DMD: variants seen among roughly 807,000 people sequenced by gnomAD.
DMD encodes the protein mutant dystrophin.
DMD carries 63 observed loss-of-function variants against 330.1 expected under a neutral mutation model. That is an observed-to-expected ratio of 0.19 (90% CI 0.16 to 0.24). DMD has a LOEUF of 0.24. DMD is among the 10% of genes least tolerant of loss of function. The pLI, the probability that DMD is intolerant of heterozygous loss-of-function variation, is 1.00. For missense variants in DMD, 3,344 were observed against 2,684.1 expected (o/e 1.25, Z -5.43); for synonymous variants, 1,223 against 959.8 (o/e 1.27, Z -5.07).
intron 52 of DMD, among the ~76,000 whole-genome samples, chrX:31,711,093 A>AT (rs1318364789): frequency 9.0e-6 from 1 of 110,913 alleles, no homozygotes; most frequent in Non-Finnish European, 1.9e-5. Flanking sequence ...AGACCAAAAA[A>AT]AAAAAGGTTT....
chrX:31,882,867 T>G (rs1446400118), intron 47 of DMD, among the ~76,000 whole-genome samples: 1 of 112,132 alleles, frequency 8.9e-6, no homozygotes, highest in Non-Finnish European at 1.9e-5. Context: ...ACTAGAAGTC[T>G]TATATACTGC....
chrX:32,821,498 G>A (rs903478141), intron 5 of DMD, among the ~76,000 whole-genome samples: 1 of 109,985 alleles, frequency 9.1e-6, no homozygotes, highest in Non-Finnish European at 1.9e-5. Context: ...TGAGGCAGGA[G>A]AATGGCGTGA....
intron 7 of DMD, among the ~76,000 whole-genome samples, chrX:32,770,121 A>C (rs1239596707): frequency 1.8e-5 from 2 of 112,041 alleles, no homozygotes; most frequent in Admixed American, 1.9e-4. Flanking sequence ...GTGGGAAGCA[A>C]TAAAAGGCAG....
At chrX:31,255,687 G>A (rs776891692) in intron 63 of DMD, among the ~76,000 whole-genome samples, 2 of 108,497 alleles carry the variant, frequency 1.8e-5, no homozygotes, top group Non-Finnish European at 3.8e-5. Flanking sequence ...AATGATCACA[G>A]CAAGTTTAGA....
At chrX:32,807,136 A>C (rs1183005909) in intron 7 of DMD, among the ~76,000 whole-genome samples, 35 of 103,956 alleles carry the variant, frequency 3.4e-4, no homozygotes, top group Non-Finnish European at 5.9e-4. Flanking sequence ...AAAAAAAAAA[A>C]AAAAAAAAAA....
intron 9 of DMD, among the ~76,000 whole-genome samples, chrX:32,669,205 G>A (rs181830642): frequency 1.8e-4 from 20 of 110,960 alleles, no homozygotes; most frequent in African/African-American, 2.3e-4. Flanking sequence ...ATAATCAGCC[G>A]TAATTCTATG....
intron 1 of DMD, among the ~76,000 whole-genome samples, chrX:33,167,962 C>T (rs777455738): frequency 9.0e-6 from 1 of 110,990 alleles, no homozygotes; most frequent in East Asian, 2.8e-4. Context: ...ATGTCTGGCA[C>T]ACAGTAAGCA....
intron 52 of DMD, among the ~76,000 whole-genome samples, chrX:31,722,947 C>A (rs1033218199): frequency 2.7e-5 from 3 of 110,315 alleles, no homozygotes; most frequent in African/African-American, 9.9e-5. Flanking sequence ...ACTCGGTAGG[C>A]TGAGGCAAGA....
In DMD at chrX:32,023,021, C is replaced by T. The variant is rs146041645; in HGVS notation, c.6439-54507G>A. 3.1e-3 allele frequency among the ~76,000 whole-genome samples: 335 copies of T among 109,401 alleles called. 1 individual carries two copies. The highest frequency in any genetic ancestry group is 9.8e-3 in the African/African-American group (295 of 30,059). ...CTAATTTTACTATTTTTAGTAAAGA[C>T]GGGGTCTCACCATGTTGGCCAGGAT... On this transcript the variant is annotated intron_variant, in intron 44 of 78. Transcript: ENST00000357033.
At chrX:32,677,264 A>T (rs990604933) in intron 9 of DMD, among the ~76,000 whole-genome samples, 1 of 111,482 alleles carries the variant, frequency 9.0e-6, no homozygotes, top group African/African-American at 3.2e-5. Context: ...AATGTATTGT[A>T]AAAATATGCC....
chrX:31,984,882 G>A (rs1182388257), intron 44 of DMD, among the ~76,000 whole-genome samples: 3 of 112,029 alleles, frequency 2.7e-5, no homozygotes, highest in Non-Finnish European at 5.6e-5. Context: ...ACAGTGTGAT[G>A]TCTGTCCTGG....
rs748035806 is a variant in DMD at position 32,972,037 on chromosome X, T to G, written c.93+48102A>C. On this transcript the variant is annotated intron_variant, in intron 2 of 78. Coordinates refer to ENST00000357033, the MANE Select transcript of DMD (RefSeq NM_004006.3). ...ACAGCAAAAGGAATGAGAGCTAGGA[T>G]GTTACATTCAGGGGCCTGAATTACA... is the stretch of plus-strand genomic sequence containing the variant. Among the ~76,000 whole-genome samples, 21 of 111,808 alleles carry G rather than the reference T, an allele frequency of 1.9e-4. No homozygotes were observed. The East Asian group carries it at 5.9e-3, about 32-fold the overall frequency.
intron 44 of DMD, among the ~76,000 whole-genome samples, chrX:32,146,782 T>C (rs922248169): frequency 8.9e-6 from 1 of 112,027 alleles, no homozygotes; most frequent in African/African-American, 3.3e-5. Flanking sequence ...ATACCGTAAG[T>C]CATATAACAT....
At chrX:32,657,910 A>G (rs889797978) in intron 9 of DMD, among the ~76,000 whole-genome samples, 1 of 111,864 alleles carries the variant, frequency 8.9e-6, no homozygotes, top group African/African-American at 3.2e-5. Context: ...GATTCACTGG[A>G]TACTTTTAAA....
At chrX:33,003,651 G>A (rs1192484321) in intron 2 of DMD, among the ~76,000 whole-genome samples, 1 of 111,060 alleles carries the variant, frequency 9.0e-6, no homozygotes, top group Non-Finnish European at 1.9e-5. Context: ...TACTGACTTA[G>A]ATGATAGGTT....
intron 2 of DMD, among the ~76,000 whole-genome samples, chrX:32,853,734 A>G (rs1172404197): frequency 9.5e-6 from 1 of 105,449 alleles, no homozygotes; most frequent in East Asian, 3.0e-4. Context: ...ACTGAACATA[A>G]ATGAAATAAA....
At chrX:33,135,268 G>C (rs920805501) in intron 1 of DMD, among the ~76,000 whole-genome samples, 3 of 111,794 alleles carry the variant, frequency 2.7e-5, no homozygotes, top group Non-Finnish European at 5.6e-5. Context: ...TCCTAGCACT[G>C]TTCCTGGAAC....
intron 55 of DMD, among the ~76,000 whole-genome samples, chrX:31,509,831 G>A (rs919380068): frequency 8.9e-6 from 1 of 112,218 alleles, no homozygotes; most frequent in East Asian, 2.8e-4. Flanking sequence ...AGCACTTTGG[G>A]AAATGTAAGA....
chrX:32,775,370 C>T (rs908204330), intron 7 of DMD, among the ~76,000 whole-genome samples: 6 of 112,722 alleles, frequency 5.3e-5, no homozygotes, highest in Admixed American at 4.7e-4. Flanking sequence ...CCCCACATTT[C>T]CCCCCTGCAT....
Sources: gnomAD v4.1 joint callset for allele counts (sites outside exome capture counted in the v4.1 genomes callset) on GRCh38, gnomAD v4.1.1 for gene constraint, MANE v1.5 for transcripts, NCBI Gene and HGNC (gene_info 2026-07-23, HGNC 2026-07-21) for gene names.